TUBA1C: variants seen among roughly 807,000 people sequenced by gnomAD.
TUBA1C encodes the protein tubulin alpha-1C chain.
In TUBA1C, 16 loss-of-function variants were observed where a neutral mutation model predicts 34.9. The observed-to-expected ratio is 0.46, with a 90% confidence interval of 0.31 to 0.70. The LOEUF (loss-of-function observed/expected upper bound fraction) is 0.70. Ranked by LOEUF, TUBA1C falls within the 30% of genes least tolerant of loss-of-function variation. TUBA1C has a pLI of 0.05. For synonymous variants in TUBA1C, 177 were observed against 215.9 expected (o/e 0.82, Z 1.58); for missense variants, 329 against 587.3 (o/e 0.56, Z 4.55).
At chr12:49,246,539 G>A (rs1489631566) in intron 1 of TUBA1C, among the ~76,000 whole-genome samples, 1 of 151,978 alleles carries the variant, frequency 6.6e-6, no homozygotes, top group Non-Finnish European at 1.5e-5. Flanking sequence ...GCCGGGTGTG[G>A]TGGCGGGCGC....
intron 1 of TUBA1C, chr12:49,228,210 A>T: frequency 6.6e-7 from 1 of 1,519,284 alleles, no homozygotes; most frequent in Non-Finnish European, 8.8e-7. Flanking sequence ...TTCATCATGC[A>T]CGGCTTGGAC....
intron 1 of TUBA1C, among the ~76,000 whole-genome samples, chr12:49,268,327 G>A (rs1034639673): frequency 6.6e-6 from 1 of 152,088 alleles, no homozygotes; most frequent in Admixed American, 6.5e-5. Context: ...TTGAACTCCT[G>A]ACCTCAGATG....
At chr12:49,250,559 C>A (rs969713918) in intron 1 of TUBA1C, among the ~76,000 whole-genome samples, 1 of 150,866 alleles carries the variant, frequency 6.6e-6, no homozygotes, top group Non-Finnish European at 1.5e-5. Context: ...CACAAATTAC[C>A]AGTATCTAGA....
intron 1 of TUBA1C, among the ~76,000 whole-genome samples, chr12:49,231,499 G>A (rs1258348584): frequency 6.6e-6 from 1 of 152,140 alleles, no homozygotes; most frequent in Non-Finnish European, 1.5e-5. Context: ...ACCACTGCAT[G>A]TGTAATACCT....
chr12:49,247,916 C>T (rs1392141450), intron 1 of TUBA1C, among the ~76,000 whole-genome samples: 1 of 149,874 alleles, frequency 6.7e-6, no homozygotes, highest in Non-Finnish European at 1.5e-5. Context: ...ACACTACACT[C>T]CAGCCTGGGC....
intron 1 of TUBA1C, among the ~76,000 whole-genome samples, chr12:49,242,947 G>A (rs898214459): frequency 1.3e-5 from 2 of 151,602 alleles, no homozygotes; most frequent in African/African-American, 4.9e-5. Flanking sequence ...TGGGACTACA[G>A]GCGCATGCAC....
In TUBA1C at chr12:49,265,106, G is replaced by T; in HGVS notation, c.-76G>T. On this transcript the variant is annotated 5_prime_UTR_variant, in exon 1 of 4. Transcript: ENST00000301072. ...CACTACTTCTCCCCCGGACTCCTTG[G>T]TAGTCTGTTAGTGGGAGATCCTTGT... The T allele has an allele frequency of 1.9e-6, 3 of 1,550,224 alleles. No homozygotes were observed. The highest frequency in any genetic ancestry group is 1.8e-6 in the Non-Finnish European group (2 of 1,140,586).
chr12:49,236,460 T>C (rs915098735), intron 1 of TUBA1C, among the ~76,000 whole-genome samples: 19 of 152,230 alleles, frequency 1.2e-4, no homozygotes, highest in Admixed American at 1.2e-3. Flanking sequence ...TGATAGTTAC[T>C]TTCCAACAAA....
intron 1 of TUBA1C, chr12:49,257,867 T>C: frequency 5.1e-6 from 1 of 195,152 alleles, no homozygotes; most frequent in Non-Finnish European, 1.1e-5. Context: ...TTACAATTTT[T>C]TTTTTTTTTT....
At chr12:49,259,407 G>C (rs970220388) in intron 1 of TUBA1C, among the ~76,000 whole-genome samples, 3 of 152,072 alleles carry the variant, frequency 2.0e-5, no homozygotes, top group South Asian at 4.2e-4. Flanking sequence ...ATTTTTAATA[G>C]AGTTGGGTTT....
At position 49,269,604 on chromosome 12, in the gene TUBA1C, C is replaced by G. The variant is rs1345999907; in HGVS notation, c.143C>G (p.Ser48Cys). ...SDKTIGGGDD[S>C]FNTFFSETGA... ...AAGACCATTGGGGGAGGAGATGATT[C>G]CTTCAACACCTTCTTCAGTGAAACG... The change falls in exon 2 of 4, where the codon TCC (serine) becomes TGC (cysteine). Residue 48 changes from serine to cysteine, a missense_variant. By Grantham distance (112) the Ser-to-Cys change is moderately radical. Transcript: ENST00000301072. The G allele has an allele frequency of 1.9e-6, 3 of 1,614,060 alleles. No homozygotes were observed. The highest frequency in any genetic ancestry group is 2.7e-5 in the African/African-American group (2 of 74,924).
intron 1 of TUBA1C, among the ~76,000 whole-genome samples, chr12:49,237,188 G>C (rs1222649656): frequency 6.6e-6 from 1 of 152,056 alleles, no homozygotes; most frequent in African/African-American, 2.4e-5. Flanking sequence ...GGGAGGCTGA[G>C]GCAGGTGGAT....
chr12:49,256,106 AAAAC>A (rs746442962), intron 1 of TUBA1C, among the ~76,000 whole-genome samples: 19 of 152,204 alleles, frequency 1.2e-4, no homozygotes, highest in African/African-American at 3.9e-4. Context: ...CCCTGTCTCA[AAAAC>A]AAACAAACGA....
intron 1 of TUBA1C, among the ~76,000 whole-genome samples, chr12:49,259,242 T>C (rs1169318128): frequency 6.6e-6 from 1 of 152,064 alleles, no homozygotes; most frequent in East Asian, 1.9e-4. Context: ...TACTTTCTTT[T>C]TTTTTTTTGA....
Position 49,237,859 on chromosome 12 carries a change from G to A in TUBA1C, c.213+9693G>A, listed in dbSNP as rs180982453. ...TGCAGTGGCTCACACCTGTAATCCC[G>A]GCACTTTGGGAGGCTGAAGCAGGTG... On this transcript the variant is annotated intron_variant, in intron 1 of 3. Coordinates refer to the TUBA1C transcript ENST00000541364. Among the ~76,000 whole-genome samples, 48 of 150,864 alleles carry A rather than the reference G, an allele frequency of 3.2e-4. No individual in the cohort carries two copies. In the East Asian group the frequency reaches 8.6e-3, roughly 27 times the overall value.
At chr12:49,248,734 G>A (rs1203303395) in intron 1 of TUBA1C, among the ~76,000 whole-genome samples, 5 of 150,454 alleles carry the variant, frequency 3.3e-5, no homozygotes, top group Non-Finnish European at 7.4e-5. Flanking sequence ...CGGGCGTGGT[G>A]GCAGGCGCCT....
chr12:49,252,267 T>A (rs2137003513), intron 1 of TUBA1C, among the ~76,000 whole-genome samples: 1 of 152,344 alleles, frequency 6.6e-6, no homozygotes, highest in East Asian at 1.9e-4. Flanking sequence ...AAATTTTAAG[T>A]GTCTTTCCTA....
intron 3 of TUBA1C, 108 bp downstream of exon 3, chr12:49,270,084 A>G (rs1476162493): frequency 6.3e-7 from 1 of 1,593,632 alleles, no homozygotes; most frequent in East Asian, 2.2e-5. Flanking sequence ...TTGCATTGCA[A>G]CTAAAATGTA....
rs761411828 is a variant in TUBA1C, at chr12:49,273,234, T to C, written c.*7T>C. On this transcript the variant is annotated 3_prime_UTR_variant, in exon 4 of 4. Transcript: ENST00000301072. ...TGAGGGTGAAGAGTATTAACCTGTG[T>C]GCTGTACTTTTACACTCCTTTGTCT... 1 of 1,614,242 alleles carries C rather than the reference T, an allele frequency of 6.2e-7. No homozygotes were observed. The highest frequency in any genetic ancestry group is 1.7e-5 in the Admixed American group (1 of 60,020).
Sources: gnomAD v4.1 joint callset for allele counts (sites outside exome capture counted in the v4.1 genomes callset) on GRCh38, gnomAD v4.1.1 for gene constraint, MANE v1.5 for transcripts, NCBI Gene and HGNC (gene_info 2026-07-23, HGNC 2026-07-21) for gene names.